The following DGKH variants were observed in gnomAD, a reference collection of about 807,000 sequenced individuals.
DGKH encodes DAG kinase eta.
Under a neutral mutation model 159.3 loss-of-function variants are expected in DGKH, and 90 were observed. The observed-to-expected ratio is 0.57, with a 90% CI of 0.48 to 0.67. The LOEUF (loss-of-function observed/expected upper bound fraction) is 0.67, where lower values mean the gene tolerates loss of function less well. Ranked by LOEUF, DGKH falls within the 30% of genes least tolerant of loss-of-function variation. The probability of loss-of-function intolerance (pLI) is 0.00; values close to 1 mark genes in which losing one functional copy is unlikely to be tolerated. For missense variants in DGKH, 1,181 were observed against 1,506.1 expected (o/e 0.78, Z 3.57); for synonymous variants, 536 against 553.8 (o/e 0.97, Z 0.45).
At chr13:42,076,233 G>C (rs2137706585) in intron 1 of DGKH, among the ~76,000 whole-genome samples, 1 of 152,268 alleles carries the variant, frequency 6.6e-6, no homozygotes, top group South Asian at 2.1e-4. Context: ...GTTGTTTGCA[G>C]CCTGTGTAAC....
intron 20 of DGKH, among the ~76,000 whole-genome samples, chr13:42,201,817 C>T (rs1957353266): frequency 6.6e-6 from 1 of 152,136 alleles, no homozygotes; most frequent in Admixed American, 6.5e-5. Context: ...AAATAAAAAT[C>T]TAATGGCATG....
chr13:42,188,041 G>T (rs923666609), intron 14 of DGKH, among the ~76,000 whole-genome samples: 14 of 152,110 alleles, frequency 9.2e-5, no homozygotes, highest in African/African-American at 3.4e-4. Context: ...TGTTGGAGAT[G>T]GCAGTTTAAT....
At chr13:42,192,614 CTTTTCT>C (rs982145439) in intron 16 of DGKH, among the ~76,000 whole-genome samples, 12 of 132,534 alleles carry the variant, frequency 9.1e-5, no homozygotes, top group Non-Finnish European at 1.8e-4. Flanking sequence ...TCTTCTTCTT[CTTTTCT>C]TTCTTCTTTC....
At position 42,123,765 on chromosome 13, in the gene DGKH, G is replaced by T. The variant is rs184801460; in HGVS notation, c.193-3698G>T. Among the ~76,000 whole-genome samples, 83 of 152,286 alleles carry T rather than the reference G, an allele frequency of 5.5e-4. 1 individual carries two copies. Among genetic ancestry groups the T allele is most frequent in the African/African-American group, 1.8e-3 (75 of 41,562 alleles). On this transcript the variant is annotated intron_variant, in intron 1 of 29. Coordinates refer to ENST00000337343, the MANE Select transcript of DGKH (RefSeq NM_178009.5). Reference sequence around the variant, plus strand: ...CAAAGTCAGTAGTCTTTAGGGAAACGCACATTAAAACCACAATGAGATACT... The same window carrying T: ...CAAAGTCAGTAGTCTTTAGGGAAACTCACATTAAAACCACAATGAGATACT...
intron 3 of DGKH, among the ~76,000 whole-genome samples, chr13:42,137,676 T>G (rs1403188210): frequency 1.3e-5 from 2 of 152,218 alleles, no homozygotes; most frequent in African/African-American, 4.8e-5. Context: ...TAGCAAGCAC[T>G]TGCTGGTCAG....
chr13:42,185,183 C>T (rs1037041917), intron 13 of DGKH, among the ~76,000 whole-genome samples: 2 of 152,156 alleles, frequency 1.3e-5, no homozygotes, highest in Non-Finnish European at 2.9e-5. Flanking sequence ...ACTCTACATT[C>T]ACTATTTAGG....
intron 18 of DGKH, 65 bp downstream of exon 18, chr13:42,198,660 A>C (rs1464603598): frequency 7.7e-7 from 1 of 1,292,658 alleles, no homozygotes; most frequent in Non-Finnish European, 1.1e-6. Flanking sequence ...TTTCAACATG[A>C]ACTGTAACAT....
chr13:42,219,745 A>C lies in DGKH; in HGVS notation c.3393A>C (p.Pro1131=). Residue 1131 remains proline, a synonymous_variant, in exon 28 of 30, where the codon CCA becomes CCC. Coordinates refer to ENST00000337343, the MANE Select transcript of DGKH (RefSeq NM_178009.5). The part of the protein sequence containing the change: ...NNRSTVFRIV[P]KFKKEKVQKQ... ...GAAGCACCGTATTTCGAATAGTGCC[A>C]AAGTTTAAAAAGGAAAAGGTTCAGA... 1 of 1,613,814 alleles carries C rather than the reference A, an allele frequency of 6.2e-7. No individual in the cohort carries two copies. Among genetic ancestry groups the C allele is most frequent in the South Asian group, 1.1e-5 (1 of 91,062 alleles).
At chr13:42,150,755 A>AT (rs935260127) in intron 3 of DGKH, among the ~76,000 whole-genome samples, 6 of 149,492 alleles carry the variant, frequency 4.0e-5, no homozygotes, top group South Asian at 2.1e-4. Context: ...ATTTGTAATT[A>AT]TTTTTTTTAT....
At chr13:42,111,083 T>G (rs1198379467) in intron 1 of DGKH, among the ~76,000 whole-genome samples, 1 of 152,036 alleles carries the variant, frequency 6.6e-6, no homozygotes, top group Non-Finnish European at 1.5e-5. Context: ...GAAAAATACA[T>G]TCAGAAACTG....
chr13:42,187,028 T>C, intron 13 of DGKH, 21 bp from the exon 14 acceptor site: 2 of 1,601,398 alleles, frequency 1.2e-6, no homozygotes, highest in South Asian at 1.1e-5. Flanking sequence ...TACTAAATTG[T>C]ACAACTTCTT....
chr13:42,118,279 CAG>C (rs1289598471), intron 1 of DGKH, among the ~76,000 whole-genome samples: 1 of 152,152 alleles, frequency 6.6e-6, no homozygotes, highest in East Asian at 1.9e-4. Flanking sequence ...TCCCCTCAAT[CAG>C]GGGCCCAGCG....
At chr13:42,227,515 A>G (rs1358392134) in intron 29 of DGKH, among the ~76,000 whole-genome samples, 1 of 152,198 alleles carries the variant, frequency 6.6e-6, no homozygotes. Flanking sequence ...TCTAAATGTG[A>G]CTGTAAACGC....
chr13:42,055,707 A>C (rs1881707630), intron 1 of DGKH, among the ~76,000 whole-genome samples: 2 of 152,226 alleles, frequency 1.3e-5, no homozygotes, highest in Non-Finnish European at 2.9e-5. Context: ...TTATAAGCAA[A>C]GGTTTTAATT....
intron 1 of DGKH, among the ~76,000 whole-genome samples, chr13:42,075,178 T>G (rs1954071848): frequency 6.6e-6 from 1 of 152,228 alleles, no homozygotes; most frequent in Non-Finnish European, 1.5e-5. Context: ...TACTTTTTCC[T>G]GTGTTAGTCG....
intron 1 of DGKH, among the ~76,000 whole-genome samples, chr13:42,067,314 A>G (rs1882649296): frequency 6.6e-6 from 1 of 152,328 alleles, no homozygotes; most frequent in African/African-American, 2.4e-5. Context: ...TTTAGAACCT[A>G]TCAAATGAGA....
chr13:42,174,005 G>A, intron 11 of DGKH, 55 bp from the exon 12 acceptor site: 1 of 1,356,774 alleles, frequency 7.4e-7, no homozygotes, highest in Non-Finnish European at 1.1e-6. Context: ...GATGCTAACA[G>A]TTAGTTTATC....
At chr13:42,085,690 A>G (rs1209370521) in intron 1 of DGKH, among the ~76,000 whole-genome samples, 1 of 152,246 alleles carries the variant, frequency 6.6e-6, no homozygotes, top group East Asian at 1.9e-4. Flanking sequence ...ATTCTAAGAC[A>G]TAATCTTGTG....
At chr13:42,152,514 A>T (rs569200396) in intron 3 of DGKH, among the ~76,000 whole-genome samples, 4 of 148,646 alleles carry the variant, frequency 2.7e-5, no homozygotes, top group African/African-American at 9.8e-5. Context: ...TATATATATT[A>T]TATATATATA....
Sources: gnomAD v4.1 joint callset for allele counts (sites outside exome capture counted in the v4.1 genomes callset) on GRCh38, gnomAD v4.1.1 for gene constraint, MANE v1.5 for transcripts, NCBI Gene and HGNC (gene_info 2026-07-23, HGNC 2026-07-21) for gene names.